The following KIRREL3 variants were observed in gnomAD, a reference collection of about 807,000 sequenced individuals.
KIRREL3 encodes kirre like nephrin family adhesion molecule 3, also known as kin of IRRE-like protein 3.
A neutral mutation model predicts 89.7 loss-of-function variants in KIRREL3; 36 were observed. That is an observed-to-expected ratio of 0.40 (90% CI 0.31 to 0.53). KIRREL3 has a LOEUF of 0.53. Ranked by LOEUF, KIRREL3 falls within the 20% of genes least tolerant of loss-of-function variation. KIRREL3 has a pLI of 0.49. For synonymous variants in KIRREL3, 445 were observed against 441.4 expected (o/e 1.01, Z -0.10); for missense variants, 864 against 1,056.6 (o/e 0.82, Z 2.53).
intron 1 of KIRREL3, among the ~76,000 whole-genome samples, chr11:126,819,209 C>T (rs1408369456): frequency 6.6e-6 from 1 of 152,148 alleles, no homozygotes; most frequent in Non-Finnish European, 1.5e-5. Context: ...AGGCGACGGT[C>T]CGGTCAGCCA....
chr11:126,854,139 T>TGTGTGC (rs2134579812), intron 1 of KIRREL3, among the ~76,000 whole-genome samples: 1 of 151,654 alleles, frequency 6.6e-6, no homozygotes, highest in East Asian at 1.9e-4. Flanking sequence ...TGTGTGTGTG[T>TGTGTGC]GTGTGTGTGT....
rs564109561 is a variant in KIRREL3 at position 126,744,336 on chromosome 11, C to T, written c.56-181424G>A. 3.9e-5 allele frequency among the ~76,000 whole-genome samples: 6 copies of T among 152,102 alleles called. No individual in the cohort carries two copies. Among genetic ancestry groups the T allele is most frequent in the Non-Finnish European group, 7.4e-5 (5 of 68,002 alleles). ...GGAGCAGCCTTTTCTGGGAGGTTCACCCGCAGGAGGTGTGCTGACCAGAGA... is the reference window on the plus strand; with the variant it reads ...GGAGCAGCCTTTTCTGGGAGGTTCATCCGCAGGAGGTGTGCTGACCAGAGA... On this transcript the variant is annotated intron_variant, in intron 1 of 16. Coordinates refer to ENST00000525144, the MANE Select transcript of KIRREL3 (RefSeq NM_032531.4). This position sits in a 1 kb window ranked among gnomAD's most constrained non-coding sequence, Gnocchi z 4.7.
At position 126,555,600 on chromosome 11, in the gene KIRREL3, G is replaced by T. The variant is rs1939643838; in HGVS notation, c.133+7235C>A. Among the ~76,000 whole-genome samples the T allele has an allele frequency of 6.6e-6, 1 of 152,138 alleles. No individual in the cohort carries two copies. The highest frequency in any genetic ancestry group is 1.5e-5 in the Non-Finnish European group (1 of 68,038). On this transcript the variant is annotated intron_variant, in intron 2 of 16. Coordinates refer to ENST00000525144, the MANE Select transcript of KIRREL3 (RefSeq NM_032531.4). The surrounding 1 kb of genome is among the most constrained non-coding windows in gnomAD (Gnocchi z 4.2). ...GACACAGGGAGCAGGGTAGACACAG[G>T]CCCTATGACAGGGGCCCTGCTTGAG...
chr11:126,461,579 C>G (rs1005698175), intron 6 of KIRREL3, among the ~76,000 whole-genome samples: 7 of 152,150 alleles, frequency 4.6e-5, no homozygotes, highest in African/African-American at 1.4e-4. Flanking sequence ...AAGTCCCCCC[C>G]GCCCCAAGAA....
At chr11:126,869,345 G>T (rs556935334) in intron 1 of KIRREL3, among the ~76,000 whole-genome samples, 4 of 152,114 alleles carry the variant, frequency 2.6e-5, no homozygotes, top group Non-Finnish European at 4.4e-5. Flanking sequence ...CTCATGACTT[G>T]CTGGATAAGG....
intron 1 of KIRREL3, among the ~76,000 whole-genome samples, chr11:126,789,785 C>T (rs1164173977): frequency 6.6e-6 from 1 of 152,196 alleles, no homozygotes; most frequent in Non-Finnish European, 1.5e-5. Flanking sequence ...CCAGCCCCTT[C>T]CCAGTCTTCC....
Position 126,719,038 on chromosome 11 carries a change from C to G in KIRREL3, c.56-156126G>C, listed in dbSNP as rs938561039. On this transcript the variant is annotated intron_variant, in intron 1 of 16. Transcript: ENST00000525144. The surrounding 1 kb of genome is among the most constrained non-coding windows in gnomAD (Gnocchi z 4.7). Reference sequence around the variant, plus strand: ...CTCTAACTTTTTTAAAATGGAGAAGCCTTTCTCATGTTTGTTTTCCTCCTG... The same window carrying G: ...CTCTAACTTTTTTAAAATGGAGAAGGCTTTCTCATGTTTGTTTTCCTCCTG... Among the ~76,000 whole-genome samples the G allele has an allele frequency of 2.6e-5, 4 of 152,276 alleles. No homozygotes were observed. The South Asian group carries it at 6.2e-4, about 24-fold the overall frequency.
At position 126,454,321 on chromosome 11, in the gene KIRREL3, G is replaced by A. The variant is rs933857635; in HGVS notation, c.848+2028C>T. Among the ~76,000 whole-genome samples, 4 of 152,154 alleles carry A rather than the reference G, an allele frequency of 2.6e-5. No individual in the cohort carries two copies. Among genetic ancestry groups the A allele is most frequent in the Admixed American group, 6.5e-5 (1 of 15,280 alleles). ...GGGTGGAGGGGTCAGGTCCCAGGGC[G>A]TGCAGCCCTGCTGTCTGCCCAGCCT... On this transcript the variant is annotated intron_variant, in intron 7 of 16. Coordinates refer to ENST00000525144, the MANE Select transcript of KIRREL3 (RefSeq NM_032531.4). The surrounding 1 kb of genome is among the most constrained non-coding windows in gnomAD (Gnocchi z 5.8).
At chr11:126,919,279 G>A (rs1947173665) in intron 1 of KIRREL3, among the ~76,000 whole-genome samples, 1 of 152,126 alleles carries the variant, frequency 6.6e-6, no homozygotes, top group South Asian at 2.1e-4. Flanking sequence ...TAAGACAGGA[G>A]CAAGCTGGGC....
chr11:126,785,899 A>G (rs1285226191), intron 1 of KIRREL3, among the ~76,000 whole-genome samples: 1 of 150,708 alleles, frequency 6.6e-6, no homozygotes, highest in Non-Finnish European at 1.5e-5. Context: ...AAAAAAAAAA[A>G]AAAGCCTACA....
chr11:126,836,790 C>A (rs550415771), intron 1 of KIRREL3, among the ~76,000 whole-genome samples: 2 of 152,180 alleles, frequency 1.3e-5, no homozygotes, highest in Non-Finnish European at 2.9e-5. Context: ...TGACATAGGG[C>A]TGCATCCTCC....
In KIRREL3 at chr11:126,812,196, C is replaced by T. The variant is rs1002212997; in HGVS notation, c.55+188259G>A. 7.2e-5 allele frequency among the ~76,000 whole-genome samples: 11 copies of T among 152,098 alleles called. No individual in the cohort carries two copies. The highest frequency in any genetic ancestry group is 1.5e-4 in the Non-Finnish European group (10 of 68,038). ...ATTGTGATCATAAGAAGAAGAAGGC[C>T]AAAGGATCATTAATTTCCTTACTTT... is the stretch of plus-strand genomic sequence containing the variant. On this transcript the variant is annotated intron_variant, in intron 1 of 16. Coordinates refer to ENST00000525144, the MANE Select transcript of KIRREL3 (RefSeq NM_032531.4). The surrounding 1 kb of genome is among the most constrained non-coding windows in gnomAD (Gnocchi z 5.2).
In KIRREL3 at chr11:126,739,632, A is replaced by G. The variant is rs552996808; in HGVS notation, c.56-176720T>C. Among the ~76,000 whole-genome samples the G allele has an allele frequency of 6.6e-6, 1 of 152,328 alleles. No homozygotes were observed. Among genetic ancestry groups the G allele is most frequent in the African/African-American group, 2.4e-5 (1 of 41,578 alleles). On this transcript the variant is annotated intron_variant, in intron 1 of 16. Coordinates refer to ENST00000525144, the MANE Select transcript of KIRREL3 (RefSeq NM_032531.4). The surrounding 1 kb of genome is among the most constrained non-coding windows in gnomAD (Gnocchi z 5.5). ...TGTTAACAACATCTGTAATTTGGGC[A>G]GGAGTGAGGAGAAGGAAACCACAGT... is the stretch of plus-strand genomic sequence containing the variant.
rs1437979849 is a variant in KIRREL3 at position 126,491,075 on chromosome 11, AG to A, written c.434-17610del. On this transcript the variant is annotated intron_variant, in intron 4 of 16. Coordinates refer to ENST00000525144, the MANE Select transcript of KIRREL3 (RefSeq NM_032531.4). This position sits in a 1 kb window ranked among gnomAD's most constrained non-coding sequence, Gnocchi z 5.5. ...TGGAAAGGGGTCCTATGTGAACAGA[AG>A]GGAGGGCTTCAGATAATCCTGAAAC... 6.6e-6 allele frequency among the ~76,000 whole-genome samples: 1 copy of A among 152,204 alleles called. No homozygotes were observed. The highest frequency in any genetic ancestry group is 2.4e-5 in the African/African-American group (1 of 41,438).
intron 1 of KIRREL3, among the ~76,000 whole-genome samples, chr11:126,958,542 T>A (rs1948991038): frequency 3.3e-5 from 5 of 152,232 alleles, no homozygotes. Context: ...TCACTCACTC[T>A]TTCATTCTAT....
rs372066840 is a variant in KIRREL3 at position 126,781,888 on chromosome 11, G to T, written c.55+218567C>A. 9.1e-4 allele frequency among the ~76,000 whole-genome samples: 138 copies of T among 152,328 alleles called. 3 individuals carry two copies. Among genetic ancestry groups the T allele is most frequent in the African/African-American group, 3.0e-3 (123 of 41,564 alleles). The stretch of plus-strand genomic sequence containing the variant: ...CCACTTATACGATAGATTTTCAAAG[G>T]TGGGGTTGCTGAAAATTTCCCTAAA... On this transcript the variant is annotated intron_variant, in intron 1 of 16. Transcript: ENST00000525144.
rs557261914 is a variant in KIRREL3, at chr11:126,681,984, T to C, written c.56-119072A>G. ...TCAGAAGGAAGAAAGAACAGATGAG[T>C]TTGGGAATCAGGAGACCAGATGTCA... is the stretch of plus-strand genomic sequence containing the variant. On this transcript the variant is annotated intron_variant, in intron 1 of 16. Coordinates refer to ENST00000525144, the MANE Select transcript of KIRREL3 (RefSeq NM_032531.4). 1.4e-5 allele frequency: 6 copies of C among 426,716 alleles called. No homozygotes were observed. In the East Asian group the frequency reaches 4.3e-4, roughly 31 times the overall value. 26.4% of individuals were successfully genotyped at this position (426,716 alleles called of 1,614,324 possible). A position where few individuals can be genotyped will look rare whatever the true frequency, so the allele number is the denominator to read the frequency against.
At chr11:126,730,017 G>A (rs962144354) in intron 1 of KIRREL3, among the ~76,000 whole-genome samples, 8 of 152,126 alleles carry the variant, frequency 5.3e-5, no homozygotes, top group Non-Finnish European at 8.8e-5. Flanking sequence ...ACCCTCCTCC[G>A]GAGTTTCCAT....
chr11:126,853,142 T>C (rs970775465), intron 1 of KIRREL3, among the ~76,000 whole-genome samples: 5 of 152,250 alleles, frequency 3.3e-5, no homozygotes, highest in African/African-American at 1.2e-4. Flanking sequence ...TCAAACTGTG[T>C]ATACTGCTGA....
Sources: allele counts gnomAD v4.1 joint callset (sites outside exome capture counted in the v4.1 genomes callset), GRCh38; gene constraint gnomAD v4.1.1; non-coding constraint Gnocchi (gnomAD v3.1); transcripts MANE v1.5; gene names NCBI Gene and HGNC (gene_info 2026-07-23, HGNC 2026-07-21).